Variants in EVC observed in about 807,000 individuals in gnomAD.
EVC encodes the protein evC complex member EVC.
Under a neutral mutation model 118.9 loss-of-function variants are expected in EVC, and 116 were observed. The observed-to-expected ratio is 0.98, with a 90% CI of 0.84 to 1.14. The LOEUF (loss-of-function observed/expected upper bound fraction) is 1.14. Ranked by LOEUF, EVC falls within the 50% of genes most tolerant of loss-of-function variation. The probability of loss-of-function intolerance (pLI) is 0.00; values close to 1 mark genes in which losing one functional copy is unlikely to be tolerated. For synonymous variants in EVC, 619 were observed against 534.7 expected (o/e 1.16, Z -2.18); for missense variants, 1,401 against 1,246.4 (o/e 1.12, Z -1.87).
rs1238843861 is a variant in EVC at position 5,719,389 on chromosome 4, ATGTT to A, written c.300+24_300+27del. The A allele has an allele frequency of 1.2e-6, 2 of 1,614,024 alleles. No individual in the cohort carries two copies. The highest frequency in any genetic ancestry group is 1.3e-5 in the African/African-American group (1 of 75,024). On this transcript the variant is annotated intron_variant, in intron 2 of 20. Transcript: ENST00000264956. The surrounding 1 kb of genome is among the most constrained non-coding windows in gnomAD (Gnocchi z 4.7). ...AGCTGTTGATGTAAGCTTGGTGTTG[ATGTT>A]TGTTTGTGGAGGCACATGTGGGAGG...
In EVC at chr4:5,801,738, C is replaced by T. The variant is rs118123982; in HGVS notation, c.2305-212C>T. On this transcript the variant is annotated intron_variant, in intron 15 of 20. Transcript: ENST00000264956. ...GCCGACTTTCCCTAACATCGCATTT[C>T]ATTGGCTCTAGACATCCCTGACCTA... 4.8e-4 allele frequency: 246 copies of T among 507,562 alleles called. 2 individuals carry two copies. In the East Asian group the frequency reaches 8.4e-3, roughly 17 times the overall value. 31.4% of individuals were successfully genotyped at this position (507,562 alleles called of 1,614,324 possible).
At chr4:5,793,004 A>T (rs756874333) in intron 12 of EVC, among the ~76,000 whole-genome samples, 15 of 152,178 alleles carry the variant, frequency 9.9e-5, no homozygotes, top group Non-Finnish European at 1.9e-4. Context: ...TTATGAGAAA[A>T]TTCCAAAGAG....
chr4:5,775,237 G>T (rs760051441), intron 11 of EVC, among the ~76,000 whole-genome samples: 1 of 152,078 alleles, frequency 6.6e-6, no homozygotes, highest in African/African-American at 2.4e-5. Flanking sequence ...CATTGAAAGT[G>T]TTTTTACTGT....
chr4:5,760,512 A>C (rs982607777), intron 11 of EVC, among the ~76,000 whole-genome samples: 4 of 152,002 alleles, frequency 2.6e-5, no homozygotes, highest in African/African-American at 9.7e-5. Flanking sequence ...CACAGTGGAG[A>C]TGGGTGTGAA....
At chr4:5,721,711 A>C (rs1206805986) in intron 2 of EVC, among the ~76,000 whole-genome samples, 1 of 152,122 alleles carries the variant, frequency 6.6e-6, no homozygotes, top group Non-Finnish European at 1.5e-5. Context: ...TAGTAAAAAT[A>C]CAAAAATCAG....
chr4:5,760,190 G>C (rs79422439), intron 11 of EVC, among the ~76,000 whole-genome samples: 1,796 of 152,104 alleles, frequency 0.012, 53 homozygotes, highest in African/African-American at 0.041. Flanking sequence ...TAGTGATTTC[G>C]GGGGCCCAAT....
At chr4:5,776,756 C>G (rs1344161071) in intron 11 of EVC, among the ~76,000 whole-genome samples, 1 of 152,162 alleles carries the variant, frequency 6.6e-6, no homozygotes, top group Non-Finnish European at 1.5e-5. Flanking sequence ...TGTGCTAATT[C>G]TCTCTTCAGC....
chr4:5,827,381 G>T, the EVC span, among the ~76,000 whole-genome samples: 49 of 152,260 alleles, frequency 3.2e-4, no homozygotes, highest in East Asian at 7.9e-3. Flanking sequence ...TCCCCATCCA[G>T]TGCAAAGCAT....
At chr4:5,817,754 G>A (rs985104871), downstream of EVC, among the ~76,000 whole-genome samples, 1 of 152,186 alleles carries the variant, frequency 6.6e-6, no homozygotes, top group Non-Finnish European at 1.5e-5. Context: ...TAGCTCTGTT[G>A]AGTCTATAGA....
intron 20 of EVC, 63 bp from the exon 21 acceptor site, chr4:5,810,890 T>C: frequency 7.0e-7 from 1 of 1,434,716 alleles, no homozygotes; most frequent in South Asian, 1.2e-5. Context: ...TTGGGTAAGT[T>C]ATGGCATCAT....
intron 1 of EVC, among the ~76,000 whole-genome samples, chr4:5,716,741 A>T (rs1393174740): frequency 6.6e-6 from 1 of 152,232 alleles, no homozygotes; most frequent in Non-Finnish European, 1.5e-5. Context: ...TTTCCCTTGA[A>T]GAAAGTCAGG....
Position 5,711,241 on chromosome 4 carries a change from G to T in EVC, c.-140G>T, listed in dbSNP as rs938591564. 24 of 440,174 alleles carry T rather than the reference G, an allele frequency of 5.5e-5. No individual in the cohort carries two copies. The highest frequency in any genetic ancestry group is 7.3e-5 in the Non-Finnish European group (24 of 331,012). The allele number at this position is 440,174 out of a possible 1,614,324, so 27.3% of individuals were successfully genotyped here. A position where few individuals can be genotyped will look rare whatever the true frequency, so the allele number is the denominator to read the frequency against. On this transcript the variant is annotated 5_prime_UTR_variant, in exon 1 of 21. Transcript: ENST00000264956. Reference sequence around the variant, plus strand: ...AGGGAAGGGGAGAGAAGCAGGAGTCGGGAGACTGCACAGGCCAGAAAGTCT... The same window carrying T: ...AGGGAAGGGGAGAGAAGCAGGAGTCTGGAGACTGCACAGGCCAGAAAGTCT...
chr4:5,808,665 T>C (rs1716404985), intron 18 of EVC, among the ~76,000 whole-genome samples: 1 of 152,234 alleles, frequency 6.6e-6, no homozygotes, highest in African/African-American at 2.4e-5. Context: ...TCCGGTGTAA[T>C]GGTGACCTCT....
chr4:5,773,615 C>T (rs897545131), intron 11 of EVC, among the ~76,000 whole-genome samples: 8 of 152,160 alleles, frequency 5.3e-5, no homozygotes, highest in East Asian at 1.9e-4. Flanking sequence ...GGAGGCGGTG[C>T]GCTGAGCTGC....
intron 5 of EVC, among the ~76,000 whole-genome samples, chr4:5,734,754 T>C (rs1233674856): frequency 6.6e-6 from 1 of 152,196 alleles, no homozygotes; most frequent in Non-Finnish European, 1.5e-5. Context: ...CGGGTGCCAA[T>C]GTTTGAAACC....
chr4:5,773,592 G>A (rs1466596390), intron 11 of EVC, among the ~76,000 whole-genome samples: 4 of 152,108 alleles, frequency 2.6e-5, no homozygotes, highest in African/African-American at 7.2e-5. Flanking sequence ...TGTGGGTGCC[G>A]GGAGAGAGAC....
rs191554838 is a variant in EVC, at chr4:5,714,213, A to C, written c.174+2659A>C. Among the ~76,000 whole-genome samples, 57 of 151,022 alleles carry C rather than the reference A, an allele frequency of 3.8e-4. No individual in the cohort carries two copies. The East Asian group carries it at 0.01, about 28-fold the overall frequency. On this transcript the variant is annotated intron_variant, in intron 1 of 20. Transcript: ENST00000264956. The stretch of plus-strand genomic sequence containing the variant: ...TCAGGTACTTCCCTGCTTTGTAGGC[A>C]CTGTTTGTTCTCCTCCTCTGTTCCA...
intron 19 of EVC, 123 bp from the exon 20 acceptor site, chr4:5,810,216 C>T (rs566085706): frequency 2.6e-6 from 2 of 768,640 alleles, no homozygotes; most frequent in African/African-American, 1.7e-5. Context: ...CATAAGATAC[C>T]AAGCATACAC....
Position 5,804,711 on chromosome 4 carries a change from C to T in EVC, c.2450-19C>T, listed in dbSNP as rs1420406198. 1 of 1,609,466 alleles carries T rather than the reference C, an allele frequency of 6.2e-7. No individual in the cohort carries two copies. Among genetic ancestry groups the T allele is most frequent in the Admixed American group, 1.7e-5 (1 of 60,012 alleles). Reference sequence around the variant, plus strand: ...TCCTCCAAACAGACCCCTTGATTGTCCTGTGTTAAATGGTCTAGGTGAGAG... The same window carrying T: ...TCCTCCAAACAGACCCCTTGATTGTTCTGTGTTAAATGGTCTAGGTGAGAG... On this transcript the variant is annotated intron_variant, in intron 16 of 20. Transcript: ENST00000264956.
Sources: allele counts gnomAD v4.1 joint callset (sites outside exome capture counted in the v4.1 genomes callset), GRCh38; gene constraint gnomAD v4.1.1; non-coding constraint Gnocchi (gnomAD v3.1); transcripts MANE v1.5; gene names NCBI Gene and HGNC (gene_info 2026-07-23, HGNC 2026-07-21).